Variants in FAM120A observed in about 807,000 individuals in gnomAD.
FAM120A encodes constitutive coactivator of PPAR-gamma-like protein 1.
FAM120A carries 15 observed loss-of-function variants against 109.7 expected under a neutral mutation model. That is an observed-to-expected ratio of 0.14 (90% CI 0.09 to 0.21). The LOEUF (loss-of-function observed/expected upper bound fraction) is 0.21. Ranked by LOEUF, FAM120A falls within the 10% of genes least tolerant of loss-of-function variation. FAM120A has a pLI of 1.00. For synonymous variants in FAM120A, 493 were observed against 572.8 expected (o/e 0.86, Z 1.99); for missense variants, 899 against 1,439.3 (o/e 0.62, Z 6.07).
At chr9:93,536,974 G>A (rs1000013941) in intron 10 of FAM120A, among the ~76,000 whole-genome samples, 3 of 152,206 alleles carry the variant, frequency 2.0e-5, no homozygotes, top group Non-Finnish European at 4.4e-5. Context: ...TAACACCCAG[G>A]GGCATGCAGA....
chr9:93,451,984 G>C lies in FAM120A; in HGVS notation c.69G>C (p.Leu23=). ...HCPSAVVPVE[L]QKLARGSLVG... ...CGAGCGCCGTGGTGCCGGTGGAGCTGCAGAAGCTGGCCCGGGGCAGCCTGG... is the reference window on the plus strand; with the variant it reads ...CGAGCGCCGTGGTGCCGGTGGAGCTCCAGAAGCTGGCCCGGGGCAGCCTGG... The change falls in exon 1 of 18, where the codon CTG becomes CTC. Residue 23 remains leucine (L), a synonymous_variant. Coordinates refer to ENST00000277165, the MANE Select transcript of FAM120A (RefSeq NM_014612.5). The C allele has an allele frequency of 6.5e-7, 1 of 1,546,042 alleles. No homozygotes were observed. Among genetic ancestry groups the C allele is most frequent in the Non-Finnish European group, 8.7e-7 (1 of 1,146,630 alleles).
intron 5 of FAM120A, 119 bp downstream of exon 5, chr9:93,499,005 C>T: frequency 1.3e-6 from 1 of 752,654 alleles, no homozygotes; most frequent in Non-Finnish European, 2.3e-6. Context: ...GTAGTTATGC[C>T]AGTAAGTATA....
Position 93,452,907 on chromosome 9 carries a change from C to A in FAM120A, c.474+518C>A. On this transcript the variant is annotated intron_variant, in intron 1 of 17. Coordinates refer to ENST00000277165, the MANE Select transcript of FAM120A (RefSeq NM_014612.5). This position sits in a 1 kb window ranked among gnomAD's most constrained non-coding sequence, Gnocchi z 7.0. ...CCGCCGCCCTTGCCAATGTTGTTAG[C>A]CCGGTGACAGCGAGACGTGTCTAAG... 7.0e-7 allele frequency: 1 copy of A among 1,435,390 alleles called. No individual in the cohort carries two copies. Among genetic ancestry groups the A allele is most frequent in the Non-Finnish European group, 9.1e-7 (1 of 1,102,466 alleles). The allele number at this position is 1,435,390 out of a possible 1,614,324, so 88.9% of individuals were successfully genotyped here. A position where few individuals can be genotyped will look rare whatever the true frequency, so the allele number is the denominator to read the frequency against.
At chr9:93,491,415 A>T (rs546668245) in intron 3 of FAM120A, among the ~76,000 whole-genome samples, 3 of 152,210 alleles carry the variant, frequency 2.0e-5, no homozygotes, top group African/African-American at 7.2e-5. Context: ...TCTGTCAGTG[A>T]TGTTTAGAAG....
In FAM120A at chr9:93,471,408, A is replaced by T. The variant is rs372486496; in HGVS notation, c.721+21A>T. The T allele has an allele frequency of 1.3e-4, 211 of 1,613,424 alleles. No individual in the cohort carries two copies. Among genetic ancestry groups the T allele is most frequent in the Non-Finnish European group, 1.6e-4 (186 of 1,179,640 alleles). ...CTTAGGTAGGTGGAGCAGTGTGAAA[A>T]TATTTTATAAGGGAGTGACCATATG... is the stretch of plus-strand genomic sequence containing the variant. On this transcript the variant is annotated intron_variant, in intron 2 of 17. Transcript: ENST00000277165.
At chr9:93,457,613 G>A (rs1857608215) in intron 1 of FAM120A, among the ~76,000 whole-genome samples, 1 of 152,072 alleles carries the variant, frequency 6.6e-6, no homozygotes, top group Non-Finnish European at 1.5e-5. Context: ...GGACCATAGA[G>A]TCAACATTAC....
intron 1 of FAM120A, among the ~76,000 whole-genome samples, chr9:93,468,027 G>T (rs1317729297): frequency 6.6e-6 from 1 of 151,886 alleles, no homozygotes; most frequent in Non-Finnish European, 1.5e-5. Context: ...GATTATAGGC[G>T]CCCGCCACCA....
intron 3 of FAM120A, among the ~76,000 whole-genome samples, chr9:93,483,669 G>A (rs1022972551): frequency 4.6e-5 from 7 of 152,072 alleles, no homozygotes; most frequent in South Asian, 2.1e-4. Context: ...TTGATCCTTC[G>A]AAGTGTAATA....
chr9:93,561,437 C>T (rs1319905651), intron 16 of FAM120A, among the ~76,000 whole-genome samples, 187 bp downstream of exon 16: 2 of 152,070 alleles, frequency 1.3e-5, no homozygotes, highest in Non-Finnish European at 2.9e-5. Flanking sequence ...CACTGTCACC[C>T]AGGCTAGAGT....
At chr9:93,541,643 G>T (rs975101856) in intron 10 of FAM120A, among the ~76,000 whole-genome samples, 3 of 152,148 alleles carry the variant, frequency 2.0e-5, no homozygotes, top group African/African-American at 7.2e-5. Flanking sequence ...ATATTCAAAT[G>T]TAAATGAAAG....
In FAM120A at chr9:93,532,356, G is replaced by C; in HGVS notation, c.1909+27G>C. On this transcript the variant is annotated intron_variant, in intron 10 of 17. Transcript: ENST00000277165. The surrounding 1 kb of genome is among the most constrained non-coding windows in gnomAD (Gnocchi z 4.3). The stretch of plus-strand genomic sequence containing the variant: ...TATGTACTGTAACAATCCATTGTTT[G>C]TTTTCCTCGGTACCTCGTAATCTCT... 1 of 1,609,738 alleles carries C rather than the reference G, an allele frequency of 6.2e-7. No individual in the cohort carries two copies. The highest frequency in any genetic ancestry group is 8.5e-7 in the Non-Finnish European group (1 of 1,176,108).
intron 7 of FAM120A, among the ~76,000 whole-genome samples, chr9:93,518,539 C>T (rs1860705251): frequency 6.6e-6 from 1 of 152,204 alleles, no homozygotes; most frequent in Non-Finnish European, 1.5e-5. Context: ...GCAAGAAATA[C>T]TTGGGCATTT....
intron 10 of FAM120A, among the ~76,000 whole-genome samples, chr9:93,541,761 A>G (rs1006225959): frequency 2.0e-5 from 3 of 152,202 alleles, no homozygotes; most frequent in Non-Finnish European, 2.9e-5. Flanking sequence ...AGGGGACACT[A>G]TCTGGAGTTG....
chr9:93,472,000 C>T (rs933747864), intron 2 of FAM120A, among the ~76,000 whole-genome samples: 1 of 152,128 alleles, frequency 6.6e-6, no homozygotes, highest in African/African-American at 2.4e-5. Flanking sequence ...TCCCCCACGC[C>T]TGTAATCCCA....
intron 1 of FAM120A, among the ~76,000 whole-genome samples, chr9:93,470,061 C>G (rs1432798675): frequency 2.0e-5 from 3 of 152,170 alleles, no homozygotes; most frequent in African/African-American, 4.8e-5. Flanking sequence ...TAAACTTTCT[C>G]TCAATGTAGC....
At chr9:93,554,120 T>TACACACAGACACACACAC (rs1554786170) in intron 12 of FAM120A, among the ~76,000 whole-genome samples, 1 of 87,402 alleles carries the variant, frequency 1.1e-5, no homozygotes, top group African/African-American at 4.0e-5. Flanking sequence ...GGCCATTTGA[T>TACACACAGACACACACAC]ACACACACAC....
chr9:93,557,679 T>G (rs1429397297), intron 13 of FAM120A, 148 bp from the exon 14 acceptor site: 1 of 795,746 alleles, frequency 1.3e-6, no homozygotes, highest in Non-Finnish European at 1.9e-6. Context: ...AAATAAACGT[T>G]AGCAAGTAGG....
chr9:93,525,735 C>T (rs112097331), intron 7 of FAM120A, among the ~76,000 whole-genome samples: 2,511 of 137,044 alleles, frequency 0.018, 46 homozygotes, highest in Middle Eastern at 0.11. Flanking sequence ...CCACTACACT[C>T]TGGGGATGCC....
chr9:93,488,473 C>T (rs1188545142), intron 3 of FAM120A, among the ~76,000 whole-genome samples: 1 of 151,956 alleles, frequency 6.6e-6, no homozygotes, highest in African/African-American at 2.4e-5. Context: ...CCTACGGGTT[C>T]CATCTGTACT....
Sources: gnomAD v4.1 joint callset for allele counts (sites outside exome capture counted in the v4.1 genomes callset) on GRCh38, gnomAD v4.1.1 for gene constraint, Gnocchi (gnomAD v3.1) non-coding constraint, MANE v1.5 for transcripts, NCBI Gene and HGNC (gene_info 2026-07-23, HGNC 2026-07-21) for gene names.